The following ABCC1 variants were observed in gnomAD, a reference collection of about 807,000 sequenced individuals.
ABCC1 encodes the protein multidrug resistance-associated protein 1.
Under a neutral mutation model 172.9 loss-of-function variants are expected in ABCC1, and 83 were observed. That is an observed-to-expected ratio of 0.48 (90% CI 0.40 to 0.58). ABCC1 has a LOEUF of 0.58. Ranked by LOEUF, ABCC1 falls within the 20% of genes least tolerant of loss-of-function variation. The pLI, the probability that ABCC1 is intolerant of heterozygous loss-of-function variation, is 0.00. For synonymous variants in ABCC1, 937 were observed against 825.2 expected (o/e 1.14, Z -2.32); for missense variants, 1,817 against 2,002.7 (o/e 0.91, Z 1.77).
intron 1 of ABCC1, among the ~76,000 whole-genome samples, chr16:16,000,301 A>T (rs1327763190): frequency 1.3e-5 from 2 of 151,862 alleles, no homozygotes; most frequent in Admixed American, 6.6e-5. Flanking sequence ...CGAGTTCACC[A>T]TGCCTGGCTA....
chr16:15,974,786 T>C (rs2046446660), intron 1 of ABCC1, among the ~76,000 whole-genome samples: 1 of 152,218 alleles, frequency 6.6e-6, no homozygotes, highest in East Asian at 1.9e-4. Flanking sequence ...TTCTAGTTTC[T>C]TTCTGTTTTT....
Position 15,979,402 on chromosome 16 carries a change from TATTA to T in ABCC1, c.49-28410_49-28407del, listed in dbSNP as rs199841287. Reference sequence around the variant, plus strand: ...TGATAAAGTGAGGTCTAAGTGTATTTATTAATTCTTTTGAGGAGGGTGTTAGGTG... The same window carrying T: ...TGATAAAGTGAGGTCTAAGTGTATTTATTCTTTTGAGGAGGGTGTTAGGTG... On this transcript the variant is annotated intron_variant, in intron 1 of 30. Coordinates refer to ENST00000399410, the MANE Select transcript of ABCC1 (RefSeq NM_004996.4). Among the ~76,000 whole-genome samples, 824 of 152,288 alleles carry T rather than the reference TATTA, an allele frequency of 5.4e-3. 8 individuals carry two copies. Among genetic ancestry groups the T allele is most frequent in the African/African-American group, 0.019 (782 of 41,520 alleles).
intron 21 of ABCC1, among the ~76,000 whole-genome samples, chr16:16,108,120 C>T (rs1023281020): frequency 1.3e-5 from 2 of 152,072 alleles, no homozygotes; most frequent in Non-Finnish European, 2.9e-5. Flanking sequence ...AATCGCAGGA[C>T]ATGGGAAGGA....
intron 1 of ABCC1, among the ~76,000 whole-genome samples, chr16:15,984,870 A>G (rs987830372): frequency 1.3e-5 from 2 of 152,142 alleles, no homozygotes; most frequent in Non-Finnish European, 2.9e-5. Context: ...TGGCAGGTGA[A>G]GGTGGGAGGA....
At chr16:16,073,040 CAAAAA>C (rs5815853) in intron 14 of ABCC1, among the ~76,000 whole-genome samples, 9 of 115,856 alleles carry the variant, frequency 7.8e-5, no homozygotes, top group South Asian at 2.7e-4. Flanking sequence ...GACTTCATCT[CAAAAA>C]AAAAAAAAAA....
At chr16:15,964,266 C>A (rs1258789520) in intron 1 of ABCC1, among the ~76,000 whole-genome samples, 3 of 152,036 alleles carry the variant, frequency 2.0e-5, no homozygotes, top group African/African-American at 7.2e-5. Context: ...TTATGCTCTG[C>A]TTCCTCTTGA....
intron 5 of ABCC1, among the ~76,000 whole-genome samples, chr16:16,024,407 G>A (rs189658727): frequency 1.3e-5 from 2 of 152,148 alleles, no homozygotes; most frequent in East Asian, 1.9e-4. Flanking sequence ...GTTGGAGTGC[G>A]GTGGTGCCAT....
chr16:16,071,286 C>A (rs1016430848), intron 13 of ABCC1, among the ~76,000 whole-genome samples: 20 of 145,792 alleles, frequency 1.4e-4, no homozygotes, highest in African/African-American at 5.1e-4. Flanking sequence ...TTAGCTGAGG[C>A]GGGGTTTCAC....
At chr16:16,003,967 G>GGTGA (rs2047421854) in intron 1 of ABCC1, among the ~76,000 whole-genome samples, 1 of 150,436 alleles carries the variant, frequency 6.6e-6, no homozygotes, top group Non-Finnish European at 1.5e-5. Flanking sequence ...TGGATGAATT[G>GGTGA]GTGAGTGGGT....
At chr16:15,968,444 A>G (rs921630640) in intron 1 of ABCC1, among the ~76,000 whole-genome samples, 3 of 151,912 alleles carry the variant, frequency 2.0e-5, no homozygotes, top group African/African-American at 7.3e-5. Flanking sequence ...GTCTTGCTCT[A>G]TTACCCAGGC....
chr16:16,026,465 C>CTTTTTTTT (rs1157942197), intron 5 of ABCC1, among the ~76,000 whole-genome samples: 6 of 95,494 alleles, frequency 6.3e-5, no homozygotes, highest in African/African-American at 1.2e-4. Context: ...AGGCTATTTC[C>CTTTTTTTT]TTTTTTTTTT....
intron 29 of ABCC1, among the ~76,000 whole-genome samples, chr16:16,137,330 C>T (rs2045952449): frequency 1.3e-5 from 2 of 152,096 alleles, no homozygotes; most frequent in African/African-American, 2.4e-5. Flanking sequence ...GGGTATGTTC[C>T]GTGCATCCCT....
chr16:16,099,016 T>C (rs945893887), intron 19 of ABCC1: 35 of 919,370 alleles, frequency 3.8e-5, no homozygotes, highest in Non-Finnish European at 5.6e-5. Flanking sequence ...TTTTCACCCC[T>C]CCGGTTGTTC....
intron 1 of ABCC1, among the ~76,000 whole-genome samples, chr16:15,993,059 C>A (rs888275854): frequency 6.6e-6 from 1 of 152,194 alleles, no homozygotes; most frequent in African/African-American, 2.4e-5. Flanking sequence ...CCTGCTCTTT[C>A]CTTCACAGCA....
At chr16:16,139,967 T>G (rs1567449587) in intron 30 of ABCC1, among the ~76,000 whole-genome samples, 1 of 152,202 alleles carries the variant, frequency 6.6e-6, no homozygotes, top group Non-Finnish European at 1.5e-5. Flanking sequence ...TGTTGCCGTG[T>G]GAAAGCAGTC....
intron 1 of ABCC1, among the ~76,000 whole-genome samples, chr16:15,951,777 C>A (rs2045880133): frequency 6.6e-6 from 1 of 152,076 alleles, no homozygotes; most frequent in Non-Finnish European, 1.5e-5. Context: ...GCAATCTCTG[C>A]CTCCCCGGCT....
chr16:16,137,394 A>G (rs1490709074), intron 29 of ABCC1, among the ~76,000 whole-genome samples: 2 of 152,126 alleles, frequency 1.3e-5, no homozygotes, highest in East Asian at 1.9e-4. Context: ...CAGGGGCACA[A>G]GAGCGTGCAA....
chr16:15,972,787 CTTTTTTTTTTTTTT>C lies in ABCC1; in HGVS notation c.48+23000_48+23013del, dbSNP rs35086205. Among the ~76,000 whole-genome samples, 3 of 89,336 alleles carry C rather than the reference CTTTTTTTTTTTTTT, an allele frequency of 3.4e-5. No individual in the cohort carries two copies. The South Asian group carries it at 1.3e-3, about 40-fold the overall frequency. The allele number at this position is 89,336 out of a possible 152,430, so 58.6% of individuals were successfully genotyped here. A position where few individuals can be genotyped will look rare whatever the true frequency, so the allele number is the denominator to read the frequency against. ...TGTCCAACATGTACTTATTTTTTAA[CTTTTTTTTTTTTTT>C]TTTTTTTTTTTGAGGCAAGGTCTGG... On this transcript the variant is annotated intron_variant, in intron 1 of 30. Transcript: ENST00000399410.
At chr16:16,067,192 G>A (rs2050144144) in intron 12 of ABCC1, among the ~76,000 whole-genome samples, 1 of 152,200 alleles carries the variant, frequency 6.6e-6, no homozygotes, top group South Asian at 2.1e-4. Flanking sequence ...CGAGGCTGTG[G>A]TGAGCCATGA....
Sources: gnomAD v4.1 joint callset for allele counts (sites outside exome capture counted in the v4.1 genomes callset) on GRCh38, gnomAD v4.1.1 for gene constraint, MANE v1.5 for transcripts, NCBI Gene and HGNC (gene_info 2026-07-23, HGNC 2026-07-21) for gene names.